TARS3: variants seen among roughly 807,000 people sequenced by gnomAD.
The protein encoded by TARS3 is threonyl-tRNA synthetase 3.
TARS3 carries 94 observed loss-of-function variants against 103.5 expected under a neutral mutation model. The ratio of observed to expected loss-of-function variants is 0.91; its 90% CI spans 0.77 to 1.08. The LOEUF (loss-of-function observed/expected upper bound fraction) is 1.08. Among genes scored for constraint, TARS3 ranks in the 50% least tolerant of loss-of-function variants. The probability of loss-of-function intolerance (pLI) is 0.00; values close to 1 mark genes in which losing one functional copy is unlikely to be tolerated. For synonymous variants in TARS3, 416 were observed against 355.4 expected, an observed-to-expected ratio of 1.17 and a Z score of -1.92; for missense variants, 952 against 995.2, an observed-to-expected ratio of 0.96 and a Z score of 0.58.
intron 15 of TARS3, among the ~76,000 whole-genome samples, chr15:101,670,448 GT>G (rs1171048248): frequency 6.6e-6 from 1 of 152,150 alleles, no homozygotes; most frequent in Non-Finnish European, 1.5e-5. Context: ...TAAAAAACAT[GT>G]AAAATCAAAA....
chr15:101,691,874 G>A lies in TARS3; in HGVS notation c.1321-5812C>T, dbSNP rs8035648. Among the ~76,000 whole-genome samples the A allele has an allele frequency of 8.1e-3, 1,167 of 144,938 alleles. 14 individuals carry two copies. Among genetic ancestry groups the A allele is most frequent in the African/African-American group, 0.028 (1,096 of 38,642 alleles). On this transcript the variant is annotated intron_variant, in intron 10 of 18. Coordinates refer to ENST00000335968, the MANE Select transcript of TARS3 (RefSeq NM_152334.3). The stretch of plus-strand genomic sequence containing the variant: ...TGGTAAGCACTGTTTAATTCTCTGT[G>A]TATGTACCTGAGCTCTCTCCTTTTT...
Position 101,724,372 on chromosome 15 carries a change from G to T in TARS3, c.16C>A (p.Leu6Met). The T allele has an allele frequency of 6.6e-7, 1 of 1,521,930 alleles. No homozygotes were observed. Among genetic ancestry groups the T allele is most frequent in the Non-Finnish European group, 8.8e-7 (1 of 1,141,434 alleles). The allele number at this position is 1,521,930 out of a possible 1,614,324, so 94.3% of individuals were successfully genotyped here. MAAEA[L>M]AAEAVASRLE... The stretch of plus-strand genomic sequence containing the variant: ...CGCGACGCCACGGCCTCCGCCGCCA[G>T]GGCCTCGGCCGCCATCGCGGCCTCC... The change falls in exon 1 of 19, where the codon CTG becomes ATG. Residue 6 changes from leucine (L) to methionine (M), a missense_variant. By Grantham distance (15) the Leu-to-Met change is conservative (BLOSUM62 2). Around this residue, in one of 2 missense-constraint regions of TARS3, gnomAD observed 412 missense variants for 364.2 expected, o/e 1.13. Transcript: ENST00000335968.
chr15:101,702,639 A>T lies in TARS3; in HGVS notation c.1075-254T>A, dbSNP rs1899341821. ...ACAAAAACTAGCCAGGCACGATGGC[A>T]CATGCCTGTAATCCCAGCTACTTGG... On this transcript the variant is annotated intron_variant, in intron 8 of 18. Transcript: ENST00000335968. Among the ~76,000 whole-genome samples the T allele has an allele frequency of 2.0e-5, 3 of 152,148 alleles. No individual in the cohort carries two copies. In the South Asian group the frequency reaches 6.2e-4, roughly 31 times the overall value.
chr15:101,701,782 CTT>C lies in TARS3; in HGVS notation c.1221+455_1221+456del, dbSNP rs936936134. Among the ~76,000 whole-genome samples the C allele has an allele frequency of 8.1e-5, 12 of 147,790 alleles. No homozygotes were observed. The East Asian group carries it at 1.4e-3, about 17-fold the overall frequency. On this transcript the variant is annotated intron_variant, in intron 9 of 18. Coordinates refer to ENST00000335968, the MANE Select transcript of TARS3 (RefSeq NM_152334.3). ...AGTGCACAGAATGTAAAAAACAACT[CTT>C]TTTTTTTTTGAGACTGAGTCTCACT...
chr15:101,723,268 C>T (rs955529583), intron 1 of TARS3, 104 bp from the exon 2 acceptor site: 3 of 1,003,490 alleles, frequency 3.0e-6, no homozygotes, highest in African/African-American at 3.2e-5. Flanking sequence ...TGTTTAGAGG[C>T]TCATAGCTGG....
At chr15:101,661,878 T>C (rs896997722) in intron 15 of TARS3, 62 bp from the exon 16 acceptor site, 60 of 1,016,120 alleles carry the variant, frequency 5.9e-5, no homozygotes, top group Non-Finnish European at 8.2e-5. Context: ...TCTTCTAGCC[T>C]TATATTTAAT....
Position 101,662,018 on chromosome 15 carries a change from C to T in TARS3, c.1968-202G>A, listed in dbSNP as rs145611399. On this transcript the variant is annotated intron_variant, in intron 15 of 18. Coordinates refer to ENST00000335968, the MANE Select transcript of TARS3 (RefSeq NM_152334.3). Reference sequence around the variant, plus strand: ...TTATTTTAAAAACTTTTTATTAGAGCGCACTGAAACATATACAAAAGTAGA... The same window carrying T: ...TTATTTTAAAAACTTTTTATTAGAGTGCACTGAAACATATACAAAAGTAGA... Among the ~76,000 whole-genome samples the T allele has an allele frequency of 3.9e-4, 60 of 152,088 alleles. 1 individual carries two copies. The highest frequency in any genetic ancestry group is 1.2e-3 in the African/African-American group (50 of 41,476).
chr15:101,701,037 A>C (rs564972482), intron 10 of TARS3, 49 bp downstream of exon 10: 1 of 1,247,904 alleles, frequency 8.0e-7, no homozygotes, highest in African/African-American at 1.5e-5. Context: ...AAATAGTAAA[A>C]ATGTAAACTG....
intron 10 of TARS3, among the ~76,000 whole-genome samples, chr15:101,695,548 T>A (rs1016876681): frequency 6.6e-6 from 1 of 152,214 alleles, no homozygotes; most frequent in Non-Finnish European, 1.5e-5. Context: ...AACGCTTCTA[T>A]GAACATCCAA....
In TARS3 at chr15:101,671,426, C is replaced by T. The variant is rs1213064160; in HGVS notation, c.1967+60G>A. On this transcript the variant is annotated intron_variant, in intron 15 of 18. Coordinates refer to ENST00000335968, the MANE Select transcript of TARS3 (RefSeq NM_152334.3). Reference sequence around the variant, plus strand: ...AATGTTTATTTTTGCATTGCTAATACTCAAATGACAAAAAATTAGAATATT... The same window carrying T: ...AATGTTTATTTTTGCATTGCTAATATTCAAATGACAAAAAATTAGAATATT... 16 of 1,307,854 alleles carry T rather than the reference C, an allele frequency of 1.2e-5. No homozygotes were observed. The South Asian group carries it at 2.1e-4, about 17-fold the overall frequency. The allele number at this position is 1,307,854 out of a possible 1,614,324, so 81.0% of individuals were successfully genotyped here. A position where few individuals can be genotyped will look rare whatever the true frequency, so the allele number is the denominator to read the frequency against.
intron 3 of TARS3, among the ~76,000 whole-genome samples, chr15:101,715,520 ATAAATCACTACTTATAACATT>A (rs1900110678): frequency 1.3e-5 from 2 of 152,384 alleles, no homozygotes; most frequent in South Asian, 2.1e-4. Context: ...CATAAATATC[ATAAATCACTACTTATAACATT>A]TTGGTACATT....
chr15:101,656,062 A>G (rs1325567629), intron 18 of TARS3: 6 of 1,288,554 alleles, frequency 4.7e-6, no homozygotes, highest in Middle Eastern at 2.1e-4. Flanking sequence ...AGAGAAGCAT[A>G]AAGAACCAGA....
chr15:101,664,413 A>G (rs1406255657), intron 15 of TARS3: 2 of 152,220 alleles, frequency 1.3e-5, no homozygotes, highest in African/African-American at 4.8e-5. Flanking sequence ...TCGGAGTCCT[A>G]CTAACTCCAC....
Position 101,724,226 on chromosome 15 carries a change from C to A in TARS3, c.162G>T (p.Val54=). The stretch of plus-strand genomic sequence containing the variant: ...CGCAGTTCTCGGCCCGGAGCTGCGC[C>A]ACCTCCCGCGTGAGGCACGGCCCCT... The part of the protein sequence containing the change: ...QAEGPCLTRE[V]AQLRAENCDL... The change falls in exon 1 of 19, where the codon GTG becomes GTT. Residue 54 remains valine, a synonymous_variant. Transcript: ENST00000335968. 1 of 1,544,866 alleles carries A rather than the reference C, an allele frequency of 6.5e-7. No homozygotes were observed. The highest frequency in any genetic ancestry group is 8.7e-7 in the Non-Finnish European group (1 of 1,152,692).
chr15:101,688,613 C>T (rs1376102763), intron 10 of TARS3, among the ~76,000 whole-genome samples: 1 of 152,148 alleles, frequency 6.6e-6, no homozygotes, highest in Non-Finnish European at 1.5e-5. Context: ...GGCAATTCCA[C>T]ATAAACAGCT....
intron 15 of TARS3, among the ~76,000 whole-genome samples, chr15:101,663,483 C>T (rs1897461560): frequency 6.6e-6 from 1 of 152,218 alleles, no homozygotes; most frequent in African/African-American, 2.4e-5. Flanking sequence ...AATGATATTG[C>T]CTAACGACAC....
At chr15:101,697,720 T>C (rs1007500531) in intron 10 of TARS3, among the ~76,000 whole-genome samples, 14 of 152,056 alleles carry the variant, frequency 9.2e-5, no homozygotes, top group African/African-American at 3.4e-4. Context: ...TGTGAAAACC[T>C]CAGAATGATC....
At chr15:101,673,390 G>A (rs1897891071) in intron 13 of TARS3, among the ~76,000 whole-genome samples, 1 of 152,068 alleles carries the variant, frequency 6.6e-6, no homozygotes, top group Non-Finnish European at 1.5e-5. Context: ...GACATCTACT[G>A]GGCACTTACA....
chr15:101,710,574 A>T (rs1899810345), intron 5 of TARS3, among the ~76,000 whole-genome samples: 1 of 152,208 alleles, frequency 6.6e-6, no homozygotes, highest in Admixed American at 6.5e-5. Context: ...GAGTTGGAGC[A>T]CTGGCCATTG....
Sources: allele counts gnomAD v4.1 joint callset (sites outside exome capture counted in the v4.1 genomes callset), GRCh38; gene constraint gnomAD v4.1.1; regional missense constraint gnomAD v4.1.1; transcripts MANE v1.5; gene names NCBI Gene and HGNC (gene_info 2026-07-23, HGNC 2026-07-21).